Variants in MRLN observed in about 807,000 individuals in gnomAD.
The protein encoded by MRLN is myoregulin.
rs1840931385 is a variant in MRLN, at chr10:59,737,009, T to C, written c.*51A>G. 2.6e-6 allele frequency: 1 copy of C among 389,338 alleles called. No individual in the cohort carries two copies. The highest frequency in any genetic ancestry group is 4.5e-6 in the Non-Finnish European group (1 of 219,952). 24.1% of individuals were successfully genotyped at this position (389,338 alleles called of 1,614,324 possible). On this transcript the variant is annotated 3_prime_UTR_variant, in exon 3 of 3. Transcript: ENST00000414264. ...CACTCAACAAGTTAAAATACAAATTTTTATTCACTGTAATTCAGTTTGAAA... is the reference window on the plus strand; with the variant it reads ...CACTCAACAAGTTAAAATACAAATTCTTATTCACTGTAATTCAGTTTGAAA...
At chr10:59,747,197 T>C (rs1349485188) in intron 1 of MRLN, among the ~76,000 whole-genome samples, 1 of 152,252 alleles carries the variant, frequency 6.6e-6, no homozygotes, top group Non-Finnish European at 1.5e-5. Flanking sequence ...ACCTTATGGC[T>C]AACAAGTTTC....
intron 1 of MRLN, among the ~76,000 whole-genome samples, chr10:59,742,972 C>T (rs1479380124): frequency 6.6e-6 from 1 of 152,104 alleles, no homozygotes; most frequent in African/African-American, 2.4e-5. Flanking sequence ...TCCAGTGATC[C>T]TCCTGCCTCA....
At chr10:59,747,153 C>T (rs1841051642) in intron 1 of MRLN, among the ~76,000 whole-genome samples, 1 of 152,096 alleles carries the variant, frequency 6.6e-6, no homozygotes. Context: ...CTATTTTATT[C>T]ATATTTATTG....
intron 1 of MRLN, among the ~76,000 whole-genome samples, chr10:59,743,633 T>C (rs1841007296): frequency 6.6e-6 from 1 of 152,142 alleles, no homozygotes; most frequent in East Asian, 1.9e-4. Context: ...ACATGGTGCT[T>C]GGATTTACAT....
At chr10:59,744,187 T>C (rs190781196) in intron 1 of MRLN, 2,451 of 156,696 alleles carry the variant, frequency 0.016, 68 homozygotes, top group African/African-American at 0.057. Flanking sequence ...GGAGCACCTC[T>C]TCCCGGCCGT....
At chr10:59,747,692 A>G (rs941105010) in intron 1 of MRLN, among the ~76,000 whole-genome samples, 1 of 152,292 alleles carries the variant, frequency 6.6e-6, no homozygotes, top group Middle Eastern at 3.4e-3. Flanking sequence ...CAGTGACCAC[A>G]CTGTATCATG....
intron 1 of MRLN, among the ~76,000 whole-genome samples, chr10:59,740,909 T>C (rs1489693567): frequency 4.6e-5 from 7 of 151,992 alleles, no homozygotes; most frequent in Non-Finnish European, 1.0e-4. Flanking sequence ...GCAATTCTCC[T>C]GCCTCAGCCT....
intron 1 of MRLN, among the ~76,000 whole-genome samples, chr10:59,745,020 CAT>C (rs1490190049): frequency 6.6e-6 from 1 of 152,078 alleles, no homozygotes; most frequent in African/African-American, 2.4e-5. Flanking sequence ...CCTTTGTTCA[CAT>C]GTTTATCTGC....
At chr10:59,748,955 A>T (rs1841070147) in intron 1 of MRLN, among the ~76,000 whole-genome samples, 1 of 152,234 alleles carries the variant, frequency 6.6e-6, no homozygotes, top group Non-Finnish European at 1.5e-5. Context: ...CTTCGACTGA[A>T]CACAGAAACA....
intron 1 of MRLN, among the ~76,000 whole-genome samples, chr10:59,748,667 A>G (rs762542830): frequency 3.3e-5 from 5 of 152,232 alleles, no homozygotes; most frequent in Non-Finnish European, 7.3e-5. Flanking sequence ...TCATTTGACA[A>G]ACAAGGCCCA....
At chr10:59,745,156 G>A (rs1010768925) in intron 1 of MRLN, among the ~76,000 whole-genome samples, 2 of 152,022 alleles carry the variant, frequency 1.3e-5, no homozygotes, top group Non-Finnish European at 2.9e-5. Flanking sequence ...ATGAATCATG[G>A]TAGTGTTTCT....
At chr10:59,744,851 G>C (rs893128180) in intron 1 of MRLN, 11 of 185,898 alleles carry the variant, frequency 5.9e-5, no homozygotes, top group African/African-American at 2.6e-4. Flanking sequence ...TGTCCACTAA[G>C]GGTTAAATGG....
intron 1 of MRLN, among the ~76,000 whole-genome samples, chr10:59,747,836 C>T (rs1841057953): frequency 6.6e-6 from 1 of 152,212 alleles, no homozygotes; most frequent in Non-Finnish European, 1.5e-5. Context: ...CTTGACTATA[C>T]TTAAAGCAGA....
In MRLN at chr10:59,736,797, A is replaced by C. The variant is rs576697022; in HGVS notation, c.*263T>G. 3 of 176,244 alleles carry C rather than the reference A, an allele frequency of 1.7e-5. No homozygotes were observed. The highest frequency in any genetic ancestry group is 7.0e-5 in the African/African-American group (3 of 42,854). 10.9% of individuals were successfully genotyped at this position (176,244 alleles called of 1,614,324 possible). A position where few individuals can be genotyped will look rare whatever the true frequency, so the allele number is the denominator to read the frequency against. ...AGTGCTGGGATTACAGGTGTGAGCC[A>C]CCACACCTGGCTAAAAATCTAGAAG... On this transcript the variant is annotated 3_prime_UTR_variant, in exon 3 of 3. Coordinates refer to ENST00000414264, the MANE Select transcript of MRLN (RefSeq NM_001304731.2).
chr10:59,752,299 A>T (rs1171594), intron 1 of MRLN, among the ~76,000 whole-genome samples: 2 of 152,036 alleles, frequency 1.3e-5, no homozygotes, highest in Admixed American at 6.6e-5. Flanking sequence ...ATAATTAGGA[A>T]GATTCAGGAA....
intron 1 of MRLN, among the ~76,000 whole-genome samples, chr10:59,746,274 T>C: frequency 6.6e-6 from 1 of 152,284 alleles, no homozygotes; most frequent in East Asian, 1.9e-4. Flanking sequence ...TGAGACACAG[T>C]TGAAATCTGT....
At chr10:59,738,654 T>C (rs1840948907) in intron 1 of MRLN, 92 bp from the exon 2 acceptor site, 1 of 152,160 alleles carries the variant, frequency 6.6e-6, no homozygotes, top group East Asian at 1.9e-4. Context: ...ACTTCTAAAA[T>C]TGTTTTCAAA....
At chr10:59,746,228 A>G (rs1372646479) in intron 1 of MRLN, among the ~76,000 whole-genome samples, 1 of 152,182 alleles carries the variant, frequency 6.6e-6, no homozygotes, top group African/African-American at 2.4e-5. Context: ...TTAAGATAAT[A>G]TTGATAGAAG....
At chr10:59,739,326 A>C (rs1238532452) in intron 1 of MRLN, 1 of 152,144 alleles carries the variant, frequency 6.6e-6, no homozygotes, top group Admixed American at 6.5e-5. Flanking sequence ...TACCCCACAG[A>C]TACAGTAACC....
Sources: allele counts gnomAD v4.1 joint callset (sites outside exome capture counted in the v4.1 genomes callset), GRCh38; gene constraint gnomAD v4.1.1; transcripts MANE v1.5; gene names NCBI Gene and HGNC (gene_info 2026-07-23, HGNC 2026-07-21).